NRXN1: variants seen among roughly 807,000 people sequenced by gnomAD.
NRXN1 encodes neurexin-1.
In NRXN1, 39 loss-of-function variants were observed where a neutral mutation model predicts 150.9. That is an observed-to-expected ratio of 0.26 (90% CI 0.20 to 0.34). NRXN1 has a LOEUF of 0.34. Among genes scored for constraint, NRXN1 ranks in the 10% least tolerant of loss-of-function variants. The pLI is 1.00. For missense variants in NRXN1, 1,815 were observed against 1,949.9 expected (o/e 0.93, Z 1.30); for synonymous variants, 924 against 757.0 (o/e 1.22, Z -3.62).
At chr2:50,549,137 C>T (rs1022055658) in intron 9 of NRXN1, among the ~76,000 whole-genome samples, 4 of 152,110 alleles carry the variant, frequency 2.6e-5, no homozygotes, top group South Asian at 4.1e-4. Flanking sequence ...TTCCATGTTT[C>T]TTAGTTGTAA....
intron 17 of NRXN1, among the ~76,000 whole-genome samples, chr2:50,256,796 G>C (rs2067739196): frequency 6.6e-6 from 1 of 152,060 alleles, no homozygotes; most frequent in South Asian, 2.1e-4. Context: ...TTCTAGTTCA[G>C]ATCCTGAAAT....
chr2:50,630,553 C>T (rs1682097189), intron 5 of NRXN1, among the ~76,000 whole-genome samples: 2 of 151,636 alleles, frequency 1.3e-5, no homozygotes, highest in Admixed American at 1.3e-4. Context: ...GACAAGGATG[C>T]CTGCGGGCAG....
intron 21 of NRXN1, chr2:49,969,970 C>T (rs537010767): frequency 1.3e-5 from 2 of 152,060 alleles, no homozygotes; most frequent in African/African-American, 2.4e-5. Context: ...AATAAAAAAG[C>T]AGGGGGAACA....
chr2:49,922,897 G>C (rs1668471089), intron 22 of NRXN1, among the ~76,000 whole-genome samples: 1 of 152,078 alleles, frequency 6.6e-6, no homozygotes, highest in Non-Finnish European at 1.5e-5. Context: ...TGATTGGGGA[G>C]CTCCCAAGAT....
chr2:50,151,618 A>T (rs551043208), intron 18 of NRXN1, among the ~76,000 whole-genome samples: 1 of 151,902 alleles, frequency 6.6e-6, no homozygotes, highest in Non-Finnish European at 1.5e-5. Flanking sequence ...AAAAAAAATC[A>T]ATAAATAATA....
chr2:50,587,240 T>C (rs1158181583), intron 8 of NRXN1, among the ~76,000 whole-genome samples: 2 of 152,288 alleles, frequency 1.3e-5, no homozygotes, highest in African/African-American at 4.8e-5. Flanking sequence ...ATCCCAACTC[T>C]TTGGGAGGCT....
At chr2:50,386,406 G>A (rs924822783) in intron 17 of NRXN1, among the ~76,000 whole-genome samples, 44 of 151,812 alleles carry the variant, frequency 2.9e-4, no homozygotes, top group African/African-American at 9.9e-4. Context: ...AGATTTGGCT[G>A]CCAAAAAAGT....
At chr2:50,130,987 T>C (rs1705391007) in intron 18 of NRXN1, among the ~76,000 whole-genome samples, 1 of 152,228 alleles carries the variant, frequency 6.6e-6, no homozygotes, top group Non-Finnish European at 1.5e-5. Flanking sequence ...TGTATTTTAC[T>C]TAAGTATATC....
intron 21 of NRXN1, chr2:49,974,184 G>T (rs1334798294): frequency 2.3e-5 from 16 of 708,198 alleles, no homozygotes; most frequent in Non-Finnish European, 3.9e-5. Flanking sequence ...ACACAGATGG[G>T]CGAGAAAAGA....
At chr2:50,739,258 A>G in intron 5 of NRXN1, 1 of 507,374 alleles carries the variant, frequency 2.0e-6, no homozygotes. Flanking sequence ...TATTAATGAG[A>G]CTTACTTTTT....
chr2:50,003,303 A>G (rs986319137), intron 21 of NRXN1, among the ~76,000 whole-genome samples: 4 of 152,136 alleles, frequency 2.6e-5, no homozygotes, highest in African/African-American at 9.7e-5. Flanking sequence ...CAGCTGTGGG[A>G]CATAATTACA....
intron 2 of NRXN1, among the ~76,000 whole-genome samples, chr2:50,931,794 C>T (rs919693679): frequency 1.3e-5 from 2 of 151,960 alleles, no homozygotes; most frequent in African/African-American, 4.8e-5. Flanking sequence ...AAGGAATAGG[C>T]CATTCTTAGC....
intron 17 of NRXN1, among the ~76,000 whole-genome samples, chr2:50,323,852 T>G (rs2152976691): frequency 6.6e-6 from 1 of 152,258 alleles, no homozygotes; most frequent in Non-Finnish European, 1.5e-5. Flanking sequence ...TTACTTCATT[T>G]TAACAAAAGT....
intron 17 of NRXN1, among the ~76,000 whole-genome samples, chr2:50,427,973 G>T (rs566190321): frequency 9.2e-5 from 14 of 152,240 alleles, no homozygotes; most frequent in Non-Finnish European, 2.1e-4. Flanking sequence ...GCGAACAGAA[G>T]AATTAGAAAT....
At chr2:50,502,436 G>C (rs889735220) in intron 13 of NRXN1, among the ~76,000 whole-genome samples, 6 of 138,062 alleles carry the variant, frequency 4.3e-5, no homozygotes, top group Non-Finnish European at 1.0e-4. Flanking sequence ...CCCACAAAGG[G>C]AATAAATACA....
intron 21 of NRXN1, among the ~76,000 whole-genome samples, chr2:49,987,225 G>A (rs1319617368): frequency 6.6e-6 from 1 of 151,728 alleles, no homozygotes; most frequent in African/African-American, 2.4e-5. Context: ...ATTTCAATGA[G>A]CTAAATTTCT....
chr2:50,427,657 T>C (rs1341861376), intron 17 of NRXN1, among the ~76,000 whole-genome samples: 1 of 152,180 alleles, frequency 6.6e-6, no homozygotes, highest in Non-Finnish European at 1.5e-5. Context: ...GTCCAGAAAA[T>C]TTAGAATGAT....
At chr2:50,086,820 A>ACGAGAGAGAGAG (rs1275211396) in intron 19 of NRXN1, among the ~76,000 whole-genome samples, 1 of 117,338 alleles carries the variant, frequency 8.5e-6, no homozygotes, top group African/African-American at 4.2e-5. Context: ...GCAGAGAAGA[A>ACGAGAGAGAGAG]TGAGAGAGAG....
intron 2 of NRXN1, among the ~76,000 whole-genome samples, chr2:50,975,036 A>G (rs1311895136): frequency 6.6e-6 from 1 of 151,832 alleles, no homozygotes; most frequent in Non-Finnish European, 1.5e-5. Context: ...AACACCCAAG[A>G]CTCTTCCAGG....
Sources: gnomAD v4.1 joint callset for allele counts (sites outside exome capture counted in the v4.1 genomes callset) on GRCh38, gnomAD v4.1.1 for gene constraint, MANE v1.5 for transcripts, NCBI Gene and HGNC (gene_info 2026-07-23, HGNC 2026-07-21) for gene names.